The following UIMC1 variants were observed in gnomAD, a reference collection of about 807,000 sequenced individuals.
UIMC1 encodes the protein ubiquitin interaction motif containing 1, also known as BRCA1-A complex subunit RAP80.
A neutral mutation model predicts 84.9 loss-of-function variants in UIMC1; 42 were observed. The ratio of observed to expected loss-of-function variants is 0.49; its 90% CI spans 0.39 to 0.64. The LOEUF (loss-of-function observed/expected upper bound fraction) is 0.64, where lower values mean the gene tolerates loss of function less well. Ranked by LOEUF, UIMC1 falls within the 30% of genes least tolerant of loss-of-function variation. UIMC1 has a pLI of 0.00. For missense variants in UIMC1, 825 were observed against 847.6 expected (o/e 0.97, Z 0.33); for synonymous variants, 281 against 293.0 (o/e 0.96, Z 0.42).
At chr5:176,916,810 T>C (rs1761035317) in intron 10 of UIMC1, among the ~76,000 whole-genome samples, 1 of 152,218 alleles carries the variant, frequency 6.6e-6, no homozygotes, top group Non-Finnish European at 1.5e-5. Context: ...GTGGTTTCCA[T>C]ACTAAATTTT....
intron 4 of UIMC1, 49 bp from the exon 5 acceptor site, chr5:176,969,755 A>G (rs1561849300): frequency 6.5e-7 from 1 of 1,541,172 alleles, no homozygotes. Flanking sequence ...TAAAATAACT[A>G]TATATGAAGG....
chr5:176,938,443 C>G (rs1189503718), intron 10 of UIMC1, among the ~76,000 whole-genome samples: 2 of 152,092 alleles, frequency 1.3e-5, no homozygotes, highest in South Asian at 2.1e-4. Context: ...ACCAAGTACA[C>G]TAGCAGGTGC....
chr5:176,925,852 G>A (rs1308273202), intron 10 of UIMC1, among the ~76,000 whole-genome samples: 1 of 152,090 alleles, frequency 6.6e-6, no homozygotes, highest in Non-Finnish European at 1.5e-5. Flanking sequence ...CCCAAACTCT[G>A]CAAATTTACA....
chr5:177,020,597 A>AT (rs1296911774), intron 1 of UIMC1, among the ~76,000 whole-genome samples: 1 of 151,936 alleles, frequency 6.6e-6, no homozygotes, highest in East Asian at 1.9e-4. Flanking sequence ...CGCCCGGCTA[A>AT]TTTTTTTGTA....
At position 176,907,116 on chromosome 5, in the gene UIMC1, G is replaced by C; in HGVS notation, c.1910C>G (p.Ser637Ter). ...AAAACTGGTCCTGGGGTCCTCACCT[G>C]AAGTCTTGTGCTCAGACTGTTCCAA... Reference protein sequence around the residue: ...SFLEQSEHKTSDADIKSSETG... With the variant: ...SFLEQSEHKT The change falls in exon 13 of 15, where the codon TCA becomes TGA. Residue 637 changes from serine to a stop codon, truncating the protein, a stop_gained and splice_region_variant. Transcript: ENST00000511320. LOFTEE classifies it high-confidence loss of function. 1 of 1,613,818 alleles carries C rather than the reference G, an allele frequency of 6.2e-7. No homozygotes were observed. Among genetic ancestry groups the C allele is most frequent in the South Asian group, 1.1e-5 (1 of 90,998 alleles).
At chr5:176,970,421 G>A (rs1769030562) in intron 4 of UIMC1, 1 of 374,214 alleles carries the variant, frequency 2.7e-6, no homozygotes, top group Non-Finnish European at 5.0e-6. Flanking sequence ...TACTAGAGAA[G>A]TTAGCATCTT....
At chr5:177,021,932 G>T (rs535303251) in intron 1 of UIMC1, among the ~76,000 whole-genome samples, 4 of 152,158 alleles carry the variant, frequency 2.6e-5, no homozygotes, top group Non-Finnish European at 5.9e-5. Context: ...GATTACAGGC[G>T]TGAGCCACCG....
In UIMC1 at chr5:176,984,417, G is replaced by A. The variant is rs533407449; in HGVS notation, c.-8-1794C>T. 1.8e-4 allele frequency among the ~76,000 whole-genome samples: 24 copies of A among 137,032 alleles called. No homozygotes were observed. The South Asian group carries it at 5.4e-3, about 31-fold the overall frequency. The allele number at this position is 137,032 out of a possible 152,430, so 89.9% of individuals were successfully genotyped here. Reference sequence around the variant, plus strand: ...AGTGCCTCTGCCCGGCCGCCACCCCGTCTGGGAAGTGGGGAGCGCCTCTGC... The same window carrying A: ...AGTGCCTCTGCCCGGCCGCCACCCCATCTGGGAAGTGGGGAGCGCCTCTGC... On this transcript the variant is annotated intron_variant, in intron 1 of 14. Coordinates refer to ENST00000511320, the MANE Select transcript of UIMC1 (RefSeq NM_001199298.2).
intron 2 of UIMC1, among the ~76,000 whole-genome samples, chr5:176,980,851 C>T (rs1770924605): frequency 6.6e-6 from 1 of 152,198 alleles, no homozygotes. Flanking sequence ...ATTCTCCCAC[C>T]TGCCTCAGCT....
At chr5:176,973,721 T>G (rs777281891) in intron 3 of UIMC1, among the ~76,000 whole-genome samples, 2 of 151,922 alleles carry the variant, frequency 1.3e-5, no homozygotes, top group Non-Finnish European at 2.9e-5. Context: ...CTAGGCAACA[T>G]AGTGAGATCT....
chr5:176,987,330 C>G (rs948130611), intron 1 of UIMC1, among the ~76,000 whole-genome samples: 2 of 151,894 alleles, frequency 1.3e-5, no homozygotes, highest in Admixed American at 1.3e-4. Context: ...TAGACATAAA[C>G]AATCAAAACT....
chr5:176,925,109 GACAA>G (rs1762230969), intron 10 of UIMC1, among the ~76,000 whole-genome samples: 1 of 151,274 alleles, frequency 6.6e-6, no homozygotes, highest in Non-Finnish European at 1.5e-5. Flanking sequence ...ACACACATTT[GACAA>G]ACAACTGGTA....
chr5:176,926,137 T>C lies in UIMC1; in HGVS notation c.1598-14748A>G, dbSNP rs149468819. ...AAAAAGACTGGGGAAACCCTCTAAA[T>C]TAAAGATGAATAAAGAGATATGACT... is the stretch of plus-strand genomic sequence containing the variant. On this transcript the variant is annotated intron_variant, in intron 10 of 14. Coordinates refer to ENST00000511320, the MANE Select transcript of UIMC1 (RefSeq NM_001199298.2). 2.5e-3 allele frequency among the ~76,000 whole-genome samples: 377 copies of C among 152,090 alleles called. 1 individual carries two copies. The highest frequency in any genetic ancestry group is 8.7e-3 in the African/African-American group (361 of 41,488).
chr5:176,907,823 C>A (rs972610360), intron 12 of UIMC1, among the ~76,000 whole-genome samples: 1 of 152,174 alleles, frequency 6.6e-6, no homozygotes, highest in African/African-American at 2.4e-5. Context: ...GGTTTCGAGA[C>A]ACTTTAAAAT....
At chr5:177,013,579 C>G (rs1363034350) in intron 1 of UIMC1, among the ~76,000 whole-genome samples, 3 of 152,162 alleles carry the variant, frequency 2.0e-5, no homozygotes, top group Non-Finnish European at 4.4e-5. Context: ...AAGACGTATT[C>G]TAGCCAAAAT....
intron 1 of UIMC1, among the ~76,000 whole-genome samples, chr5:177,014,478 T>C (rs1775630998): frequency 6.6e-6 from 1 of 152,192 alleles, no homozygotes; most frequent in African/African-American, 2.4e-5. Flanking sequence ...ACCTACTATG[T>C]TAATTCTTTT....
In UIMC1 at chr5:176,969,176, C is replaced by G. The variant is rs942132444; in HGVS notation, c.579G>C (p.Pro193=). ...CCCAGCTTCCTGAGCTGCCAGAGAC[C>G]GGCTCCTCTTCAGTTTTTTCAGTGT... ...WDHTEKTEEE[P]VSGSSGSWDQ... Residue 193 remains proline (P), a synonymous_variant, in exon 6 of 15, where the codon CCG becomes CCC. Coordinates refer to ENST00000511320, the MANE Select transcript of UIMC1 (RefSeq NM_001199298.2). 6.2e-7 allele frequency: 1 copy of G among 1,614,160 alleles called. No individual in the cohort carries two copies. Among genetic ancestry groups the G allele is most frequent in the Non-Finnish European group, 8.5e-7 (1 of 1,180,024 alleles).
intron 10 of UIMC1, among the ~76,000 whole-genome samples, chr5:176,916,875 T>G (rs934388506): frequency 6.6e-6 from 1 of 152,148 alleles, no homozygotes; most frequent in South Asian, 2.1e-4. Context: ...TTATCAATAC[T>G]ATATAAACAT....
At chr5:176,965,235 C>T (rs988089096) in intron 6 of UIMC1, among the ~76,000 whole-genome samples, 2 of 152,100 alleles carry the variant, frequency 1.3e-5, no homozygotes, top group Non-Finnish European at 2.9e-5. Flanking sequence ...TCCTGGCTAA[C>T]ACGGTGAAAA....
Sources: gnomAD v4.1 joint callset for allele counts (sites outside exome capture counted in the v4.1 genomes callset) on GRCh38, gnomAD v4.1.1 for gene constraint, MANE v1.5 for transcripts, NCBI Gene and HGNC (gene_info 2026-07-23, HGNC 2026-07-21) for gene names.